HDAC8: variants seen among roughly 807,000 people sequenced by gnomAD.
HDAC8 encodes histone deacetylase 8.
HDAC8 carries 1 observed loss-of-function variant against 32.2 expected under a neutral mutation model. The ratio of observed to expected loss-of-function variants is 0.03; its 90% CI spans 0.01 to 0.15. HDAC8 has a LOEUF of 0.15. Ranked by LOEUF, HDAC8 falls within the 10% of genes least tolerant of loss-of-function variation. The probability of loss-of-function intolerance (pLI) is 1.00; values close to 1 mark genes in which losing one functional copy is unlikely to be tolerated. For synonymous variants in HDAC8, 108 were observed against 113.9 expected (o/e 0.95, Z 0.33); for missense variants, 117 against 300.0 (o/e 0.39, Z 4.51).
At chrX:72,554,330 C>T (rs1371913024) in intron 4 of HDAC8, among the ~76,000 whole-genome samples, 1 of 110,617 alleles carries the variant, frequency 9.0e-6, no homozygotes, top group Non-Finnish European at 1.9e-5. Flanking sequence ...AATCCACAGA[C>T]CCTTTGAAGG....
chrX:72,543,383 TG>T lies in HDAC8; in HGVS notation c.437+24505del, dbSNP rs1188855916. 2.3e-4 allele frequency among the ~76,000 whole-genome samples: 26 copies of T among 111,526 alleles called. No individual in the cohort carries two copies. The Admixed American group carries it at 2.5e-3, about 11-fold the overall frequency. ...TCCGCCAGTACGTGGTTAATGCATA[TG>T]GCTGTGGCTGGAGAGCAGGTGGCCG... is the stretch of plus-strand genomic sequence containing the variant. On this transcript the variant is annotated intron_variant, in intron 4 of 10. Coordinates refer to ENST00000373573, the MANE Select transcript of HDAC8 (RefSeq NM_018486.3).
intron 9 of HDAC8, among the ~76,000 whole-genome samples, chrX:72,438,043 AAT>A (rs1404506255): frequency 8.9e-6 from 1 of 112,284 alleles, no homozygotes; most frequent in Admixed American, 9.4e-5. Context: ...GTGCCTCCTG[AAT>A]GGAAGATACC....
At chrX:72,448,746 C>T (rs2047488715) in intron 9 of HDAC8, among the ~76,000 whole-genome samples, 1 of 111,532 alleles carries the variant, frequency 9.0e-6, no homozygotes, top group Non-Finnish European at 1.9e-5. Context: ...AAGGAAAAAA[C>T]AAACATCAAA....
In HDAC8 at chrX:72,420,521, C is replaced by A. The variant is rs782605071; in HGVS notation, c.1005+41483G>T. ...TTTGTCAGTCTAGCTCAAGGTTTGTCAATTTCATTGATCTTTTCAAAGAAA... is the reference window on the plus strand; with the variant it reads ...TTTGTCAGTCTAGCTCAAGGTTTGTAAATTTCATTGATCTTTTCAAAGAAA... On this transcript the variant is annotated intron_variant, in intron 9 of 10. Coordinates refer to ENST00000373573, the MANE Select transcript of HDAC8 (RefSeq NM_018486.3). 1.1e-3 allele frequency among the ~76,000 whole-genome samples: 128 copies of A among 112,049 alleles called. No homozygotes were observed. The South Asian group carries it at 0.011, about 10-fold the overall frequency.
At chrX:72,458,383 T>G (rs1440061680) in intron 9 of HDAC8, among the ~76,000 whole-genome samples, 1 of 112,468 alleles carries the variant, frequency 8.9e-6, no homozygotes, top group Non-Finnish European at 1.9e-5. Flanking sequence ...CCTACCCTTA[T>G]CACTTCTAAT....
intron 10 of HDAC8, among the ~76,000 whole-genome samples, chrX:72,337,555 C>G (rs1168279113): frequency 9.0e-6 from 1 of 111,032 alleles, no homozygotes; most frequent in Admixed American, 9.6e-5. Flanking sequence ...AAATCTACCT[C>G]TTTTTTTCCC....
In HDAC8 at chrX:72,489,057, G is replaced by A. The variant is rs912230465; in HGVS notation, c.629-16C>T. 1.8e-6 allele frequency: 2 copies of A among 1,083,440 alleles called. No individual in the cohort carries two copies. Among genetic ancestry groups the A allele is most frequent in the Non-Finnish European group, 2.5e-6 (2 of 790,384 alleles). 89.3% of individuals were successfully genotyped at this position (1,083,440 alleles called of 1,213,427 possible). A position where few individuals can be genotyped will look rare whatever the true frequency, so the allele number is the denominator to read the frequency against. ...TCACCTGTTCCTATAAAAGAGAAGA[G>A]CACTATGATCAGTTATTAGGAACAT... On this transcript the variant is annotated splice_polypyrimidine_tract_variant and intron_variant, in intron 6 of 10. Coordinates refer to ENST00000373573, the MANE Select transcript of HDAC8 (RefSeq NM_018486.3).
chrX:72,442,798 A>G (rs782684143), intron 9 of HDAC8, among the ~76,000 whole-genome samples: 43 of 111,993 alleles, frequency 3.8e-4, no homozygotes, highest in African/African-American at 1.3e-3. Flanking sequence ...CCCATCTTAC[A>G]TGCAGAGACA....
At chrX:72,452,959 C>A (rs1406102671) in intron 9 of HDAC8, among the ~76,000 whole-genome samples, 1 of 110,160 alleles carries the variant, frequency 9.1e-6, no homozygotes, top group African/African-American at 3.3e-5. Context: ...AAAATATGAA[C>A]CTAGTGAGGA....
intron 9 of HDAC8, among the ~76,000 whole-genome samples, chrX:72,437,377 C>T (rs1404179808): frequency 8.9e-6 from 1 of 111,899 alleles, no homozygotes; most frequent in African/African-American, 3.3e-5. Context: ...GCCTACACCA[C>T]CAGGGACCTG....
At chrX:72,492,687 T>A (rs2048908030) in intron 5 of HDAC8, among the ~76,000 whole-genome samples, 1 of 111,587 alleles carries the variant, frequency 9.0e-6, no homozygotes, top group Non-Finnish European at 1.9e-5. Context: ...GGTGTAGAAA[T>A]AACATTGCAA....
intron 9 of HDAC8, among the ~76,000 whole-genome samples, chrX:72,419,444 A>G (rs1018200725): frequency 3.6e-5 from 4 of 111,860 alleles, no homozygotes; most frequent in South Asian, 3.7e-4. Flanking sequence ...TTGTGTAATG[A>G]CATTGTAACC....
At chrX:72,414,753 G>A (rs1555971274) in intron 9 of HDAC8, among the ~76,000 whole-genome samples, 1 of 111,797 alleles carries the variant, frequency 8.9e-6, no homozygotes, top group African/African-American at 3.3e-5. Flanking sequence ...TGCAGTGGCT[G>A]GAGAGCAGAA....
intron 9 of HDAC8, among the ~76,000 whole-genome samples, chrX:72,411,406 C>T (rs184200257): frequency 8.9e-6 from 1 of 112,175 alleles, no homozygotes; most frequent in Non-Finnish European, 1.9e-5. Flanking sequence ...GTCTTTCATA[C>T]TTCAGACCTA....
chrX:72,408,644 G>A (rs1221520168), intron 9 of HDAC8, among the ~76,000 whole-genome samples: 4 of 111,907 alleles, frequency 3.6e-5, no homozygotes, highest in Admixed American at 2.8e-4. Context: ...GACCTCAAGT[G>A]ATCTACCCGC....
chrX:72,461,389 C>T (rs2047863813), intron 9 of HDAC8, among the ~76,000 whole-genome samples: 2 of 111,924 alleles, frequency 1.8e-5, no homozygotes, highest in African/African-American at 6.5e-5. Flanking sequence ...CTAGAACAGA[C>T]ATCTTTGCTT....
chrX:72,421,661 A>C (rs2046496647), intron 9 of HDAC8, among the ~76,000 whole-genome samples: 1 of 112,442 alleles, frequency 8.9e-6, no homozygotes, highest in Non-Finnish European at 1.9e-5. Context: ...TGTCTTTTTA[A>C]TCATGCAGAA....
chrX:72,336,157 G>T (rs1245159786), intron 10 of HDAC8, among the ~76,000 whole-genome samples: 1 of 111,884 alleles, frequency 8.9e-6, no homozygotes, highest in Non-Finnish European at 1.9e-5. Context: ...ATGAATGAGA[G>T]TTCCTGTAGT....
intron 10 of HDAC8, among the ~76,000 whole-genome samples, chrX:72,334,217 G>A (rs977613029): frequency 2.0e-4 from 22 of 111,934 alleles, no homozygotes; most frequent in African/African-American, 6.8e-4. Flanking sequence ...GAGACAAGAA[G>A]TTCAGACCAC....
Sources: gnomAD v4.1 joint callset for allele counts (sites outside exome capture counted in the v4.1 genomes callset) on GRCh38, gnomAD v4.1.1 for gene constraint, MANE v1.5 for transcripts, NCBI Gene and HGNC (gene_info 2026-07-23, HGNC 2026-07-21) for gene names.